Variants in SRGAP3 observed in about 807,000 individuals in gnomAD.
SRGAP3 encodes SLIT-ROBO Rho GTPase-activating protein 3.
SRGAP3 carries 39 observed loss-of-function variants against 121.1 expected under a neutral mutation model. The observed-to-expected ratio is 0.32, with a 90% CI of 0.25 to 0.42. SRGAP3 has a LOEUF of 0.42. Among genes scored for constraint, SRGAP3 ranks in the 10% least tolerant of loss-of-function variants. SRGAP3 has a pLI of 1.00. For missense variants in SRGAP3, 1,213 were observed against 1,470.6 expected (o/e 0.82, Z 2.86); for synonymous variants, 601 against 570.0 (o/e 1.05, Z -0.77).
chr3:9,327,923 C>G (rs183689231), intron 2 of SRGAP3, among the ~76,000 whole-genome samples: 65 of 152,308 alleles, frequency 4.3e-4, no homozygotes, highest in African/African-American at 1.4e-3. Flanking sequence ...TATAAGATCT[C>G]TTTTCTTCAT....
At chr3:9,106,699 A>G (rs540300103) in intron 2 of SRGAP3, among the ~76,000 whole-genome samples, 1 of 152,252 alleles carries the variant, frequency 6.6e-6, no homozygotes, top group East Asian at 1.9e-4. Flanking sequence ...CCACCACCAT[A>G]TAAGAAGTGC....
chr3:9,063,731 G>C (rs943957517), intron 5 of SRGAP3, among the ~76,000 whole-genome samples: 10 of 152,182 alleles, frequency 6.6e-5, no homozygotes, highest in Non-Finnish European at 1.5e-4. Context: ...TGAGAGATGA[G>C]ACGAATTTGC....
chr3:9,047,604 G>A lies in SRGAP3; in HGVS notation c.1324-129C>T, dbSNP rs1028297957. ...CGTCACCCGCAGGGACCCCGGCGCA[G>A]GGAACAGAGAGGCCTCTGCATCTGC... On this transcript the variant is annotated intron_variant, in intron 9 of 21. Transcript: ENST00000383836. 6 of 869,402 alleles carry A rather than the reference G, an allele frequency of 6.9e-6. No individual in the cohort carries two copies. In the African/African-American group the frequency reaches 1.0e-4, roughly 14 times the overall value. The allele number at this position is 869,402 out of a possible 1,614,324, so 53.9% of individuals were successfully genotyped here. A position where few individuals can be genotyped will look rare whatever the true frequency, so the allele number is the denominator to read the frequency against.
chr3:9,197,311 C>G (rs1159761120), intron 1 of SRGAP3, among the ~76,000 whole-genome samples: 1 of 152,202 alleles, frequency 6.6e-6, no homozygotes, highest in Non-Finnish European at 1.5e-5. Flanking sequence ...GCCCGTTTTC[C>G]AAACTAAAAT....
upstream of SRGAP3, among the ~76,000 whole-genome samples, chr3:9,251,087 G>T (rs924292141): frequency 6.6e-6 from 1 of 152,188 alleles, no homozygotes; most frequent in Admixed American, 6.5e-5. Flanking sequence ...GTCCATCAAG[G>T]CTTCCTAGAG....
intron 3 of SRGAP3, among the ~76,000 whole-genome samples, chr3:9,266,306 G>A (rs1954366549): frequency 6.6e-6 from 1 of 151,910 alleles, no homozygotes; most frequent in Non-Finnish European, 1.5e-5. Flanking sequence ...AACCACCATG[G>A]CACATGTGTA....
intron 7 of SRGAP3, among the ~76,000 whole-genome samples, chr3:9,056,560 G>A (rs1040061396): frequency 3.9e-5 from 6 of 152,192 alleles, no homozygotes; most frequent in Non-Finnish European, 7.3e-5. Flanking sequence ...GCCACTGCCA[G>A]GTGTGGCCTT....
In SRGAP3 at chr3:8,981,741, C is replaced by T. The variant is rs181267106; in HGVS notation, c.*3778G>A. On this transcript the variant is annotated 3_prime_UTR_variant, in exon 22 of 22. Coordinates refer to ENST00000383836, the MANE Select transcript of SRGAP3 (RefSeq NM_014850.4). The stretch of plus-strand genomic sequence containing the variant: ...AGATCTCTGAACTGCTGGTTCCAGC[C>T]GATAGCCAAAATATGGCTCAATTTC... The T allele has an allele frequency of 3.3e-4, 77 of 230,154 alleles. No individual in the cohort carries two copies. Among genetic ancestry groups the T allele is most frequent in the Non-Finnish European group, 4.6e-4 (53 of 115,884 alleles). The allele number at this position is 230,154 out of a possible 1,614,324, so 14.3% of individuals were successfully genotyped here.
chr3:9,153,097 C>T (rs9813131), intron 1 of SRGAP3, among the ~76,000 whole-genome samples: 4,038 of 152,240 alleles, frequency 0.027, 189 homozygotes, highest in African/African-American at 0.091. Context: ...ACAGCTGTAA[C>T]GTTGCGTTTT....
At chr3:9,297,900 A>C (rs1574981757) in intron 3 of SRGAP3, among the ~76,000 whole-genome samples, 2 of 152,222 alleles carry the variant, frequency 1.3e-5, no homozygotes, top group East Asian at 3.9e-4. Flanking sequence ...AGTCTCAAAA[A>C]AAAAAAAAGA....
rs374645337 is a variant in SRGAP3 at position 9,032,643 on chromosome 3, C to G, written c.1539+7G>C. On this transcript the variant is annotated splice_region_variant and intron_variant, in intron 12 of 21. Transcript: ENST00000383836. ...ATTCGCGGACTCCACGGCTCCCCAG[C>G]AAGTACCTTAATGAATGCTTCCATA... is the stretch of plus-strand genomic sequence containing the variant. The G allele has an allele frequency of 1.2e-6, 2 of 1,613,060 alleles. No homozygotes were observed. The highest frequency in any genetic ancestry group is 2.7e-5 in the African/African-American group (2 of 74,752).
In SRGAP3 at chr3:9,124,864, ACT is replaced by A; in HGVS notation, c.119_120del (p.Glu40ValfsTer18). 6.2e-7 allele frequency: 1 copy of A among 1,613,950 alleles called. No individual in the cohort carries two copies. The highest frequency in any genetic ancestry group is 8.5e-7 in the Non-Finnish European group (1 of 1,179,982). On this transcript the variant is annotated frameshift_variant, in exon 2 of 22. Coordinates refer to ENST00000383836, the MANE Select transcript of SRGAP3 (RefSeq NM_014850.4). LOFTEE classifies it high-confidence loss of function. Reference sequence around the variant, plus strand: ...AGGTCTTGAAGCAGCTGCAGTCGCGACTCTGATTGCTGCTCCAGACATTTGAA... The same window carrying A: ...AGGTCTTGAAGCAGCTGCAGTCGCGACTGATTGCTGCTCCAGACATTTGAA... ...EQFKCLEQQS[E>X]SRLQLLQDLQ...
At position 9,144,054 on chromosome 3, in the gene SRGAP3, C is replaced by G. The variant is rs565930320; in HGVS notation, c.68-19137G>C. 2.6e-5 allele frequency among the ~76,000 whole-genome samples: 4 copies of G among 152,126 alleles called. No homozygotes were observed. In the South Asian group the frequency reaches 8.3e-4, roughly 32 times the overall value. On this transcript the variant is annotated intron_variant, in intron 1 of 21. Coordinates refer to ENST00000383836, the MANE Select transcript of SRGAP3 (RefSeq NM_014850.4). ...ACTAGCCCCCACATCACTTTTCCCCCCTTCCAATATTTTCAGATCAATTCT... is the reference window on the plus strand; with the variant it reads ...ACTAGCCCCCACATCACTTTTCCCCGCTTCCAATATTTTCAGATCAATTCT...
intron 3 of SRGAP3, among the ~76,000 whole-genome samples, chr3:9,255,406 T>C (rs1389221759): frequency 3.3e-5 from 5 of 152,148 alleles, no homozygotes; most frequent in African/African-American, 1.2e-4. Context: ...CTCTGTATGG[T>C]GGCAGGCTCT....
At chr3:9,119,253 G>C (rs1450812673) in intron 2 of SRGAP3, among the ~76,000 whole-genome samples, 1 of 152,100 alleles carries the variant, frequency 6.6e-6, no homozygotes, top group African/African-American at 2.4e-5. Context: ...AGGTTTCCTG[G>C]CATCTGATGG....
chr3:9,185,990 C>A (rs1324688964), intron 1 of SRGAP3, among the ~76,000 whole-genome samples: 2 of 152,170 alleles, frequency 1.3e-5, no homozygotes, highest in Non-Finnish European at 1.5e-5. Context: ...GCAAGGATAA[C>A]CTAGCTAAGT....
chr3:8,990,309 G>A (rs189557686), intron 21 of SRGAP3, among the ~76,000 whole-genome samples: 11 of 152,298 alleles, frequency 7.2e-5, no homozygotes, highest in African/African-American at 9.6e-5. Flanking sequence ...AGCCTCTATC[G>A]GAACCCTAGC....
In SRGAP3 at chr3:9,087,126, A is replaced by G. The variant is rs111970145; in HGVS notation, c.424-7039T>C. Among the ~76,000 whole-genome samples the G allele has an allele frequency of 1.4e-3, 211 of 152,214 alleles. 2 individuals carry two copies. Among genetic ancestry groups the G allele is most frequent in the African/African-American group, 5.0e-3 (206 of 41,542 alleles). On this transcript the variant is annotated intron_variant, in intron 3 of 21. Transcript: ENST00000383836. ...TATATATATTTATATGTGTGTGTGT[A>G]TATATATGTGTTTGCTGAATGAATC...
At chr3:9,253,147 G>C (rs890181467), upstream of SRGAP3, among the ~76,000 whole-genome samples, 1 of 152,186 alleles carries the variant, frequency 6.6e-6, no homozygotes, top group South Asian at 2.1e-4. Flanking sequence ...GCCAAGAGCA[G>C]TGAAGCAAGT....
Sources: gnomAD v4.1 joint callset for allele counts (sites outside exome capture counted in the v4.1 genomes callset) on GRCh38, gnomAD v4.1.1 for gene constraint, MANE v1.5 for transcripts, NCBI Gene and HGNC (gene_info 2026-07-23, HGNC 2026-07-21) for gene names.